KSR1: variants seen among roughly 807,000 people sequenced by gnomAD.
The protein encoded by KSR1 is kinase suppressor of ras 1, also known as kinase suppressor of ras.
In KSR1, 35 loss-of-function variants were observed where a neutral mutation model predicts 92.9. The ratio of observed to expected loss-of-function variants is 0.38; its 90% CI spans 0.29 to 0.50. The LOEUF is 0.50. Among genes scored for constraint, KSR1 ranks in the 20% least tolerant of loss-of-function variants. The pLI, the probability that KSR1 is intolerant of heterozygous loss-of-function variation, is 0.94. For missense variants in KSR1, 972 were observed against 1,158.5 expected, an observed-to-expected ratio of 0.84 and a Z score of 2.34; for synonymous variants, 467 against 472.6, an observed-to-expected ratio of 0.99 and a Z score of 0.15.
At chr17:27,528,761 T>C (rs1027112502) in intron 1 of KSR1, among the ~76,000 whole-genome samples, 2 of 152,078 alleles carry the variant, frequency 1.3e-5, no homozygotes, top group Non-Finnish European at 2.9e-5. Context: ...AAAAGTTAGC[T>C]GGGTATAGTG....
At position 27,577,015 on chromosome 17, in the gene KSR1, A is replaced by C. The variant is rs4580240; in HGVS notation, c.373-477A>C. Among the ~76,000 whole-genome samples, 21,233 of 151,426 alleles carry C rather than the reference A, an allele frequency of 0.14. 1,665 individuals are homozygous for C. The highest frequency in any genetic ancestry group is 0.24 in the South Asian group (1,141 of 4,796). On this transcript the variant is annotated intron_variant, in intron 2 of 20. Transcript: ENST00000644974. The surrounding 1 kb of genome is among the most constrained non-coding windows in gnomAD (Gnocchi z 4.5). The stretch of plus-strand genomic sequence containing the variant: ...TTTGATAGAAATCAGGTGAGGCAGT[A>C]AGTGCCTCTGCAGTGTTTGGTGAGG...
intron 20 of KSR1, chr17:27,623,071 G>C (rs2074269001): frequency 5.2e-6 from 3 of 581,644 alleles, no homozygotes; most frequent in Admixed American, 6.4e-5. Flanking sequence ...AGCATGCTGG[G>C]AGCTTGGGAC....
chr17:27,500,635 C>T (rs2069144146), intron 1 of KSR1, among the ~76,000 whole-genome samples: 1 of 152,158 alleles, frequency 6.6e-6, no homozygotes, highest in African/African-American at 2.4e-5. Flanking sequence ...TTTTAAAGTT[C>T]TAAAAGTAGC....
chr17:27,611,706 AC>A (rs1320252873), intron 18 of KSR1, 77 bp downstream of exon 18: 1 of 1,573,380 alleles, frequency 6.4e-7, no homozygotes, highest in Non-Finnish European at 8.7e-7. Flanking sequence ...CCCTTCACTC[AC>A]CCACCTGAGA....
At chr17:27,550,448 C>A in intron 1 of KSR1, 120 bp from the exon 2 acceptor site, 1 of 692,284 alleles carries the variant, frequency 1.4e-6, no homozygotes. Flanking sequence ...GAGAGGAGAG[C>A]CAGCCCCTTC....
chr17:27,557,260 A>G (rs1053151618), intron 2 of KSR1, among the ~76,000 whole-genome samples: 1 of 152,220 alleles, frequency 6.6e-6, no homozygotes, highest in African/African-American at 2.4e-5. Flanking sequence ...CAGACTGCAG[A>G]GATTGGCACC....
intron 1 of KSR1, among the ~76,000 whole-genome samples, chr17:27,522,929 A>G (rs1305834339): frequency 1.3e-5 from 2 of 152,178 alleles, no homozygotes; most frequent in Non-Finnish European, 2.9e-5. Context: ...TCAGGGTACT[A>G]AGAAAGAAAA....
intron 1 of KSR1, among the ~76,000 whole-genome samples, chr17:27,519,897 G>T (rs1041290437): frequency 6.6e-6 from 1 of 152,146 alleles, no homozygotes; most frequent in Non-Finnish European, 1.5e-5. Context: ...AGCTGGGAGT[G>T]GGGATAGTAA....
At chr17:27,593,612 C>T (rs1222528493) in intron 9 of KSR1, among the ~76,000 whole-genome samples, 1 of 152,184 alleles carries the variant, frequency 6.6e-6, no homozygotes, top group African/African-American at 2.4e-5. Flanking sequence ...ACAAGAAGGC[C>T]GGCTGCCCCA....
chr17:27,535,960 G>T (rs774452164), intron 1 of KSR1, among the ~76,000 whole-genome samples: 4 of 152,252 alleles, frequency 2.6e-5, no homozygotes, highest in Non-Finnish European at 4.4e-5. Context: ...AGAGGGCCCT[G>T]TGGGGTCTGG....
Position 27,597,350 on chromosome 17 carries a change from C to A in KSR1, c.1382C>A (p.Pro461His), listed in dbSNP as rs1652817662. The A allele has an allele frequency of 6.2e-7, 1 of 1,613,610 alleles. No homozygotes were observed. Among genetic ancestry groups the A allele is most frequent in the Admixed American group, 1.7e-5 (1 of 59,960 alleles). The change falls in exon 10 of 21, where the codon CCC becomes CAC. Residue 461 changes from proline to histidine, a missense_variant. Coordinates refer to ENST00000644974, the MANE Select transcript of KSR1 (RefSeq NM_001394583.1). ...TCCTCCACACCCTCCTCACCGGCGC[C>A]CTTCCCGACATCATCCAACCCATCC... is the stretch of plus-strand genomic sequence containing the variant. Reference protein sequence around the residue: ...TTSSTPSSPAPFPTSSNPSSA... With the variant: ...TTSSTPSSPAHFPTSSNPSSA...
intron 2 of KSR1, among the ~76,000 whole-genome samples, chr17:27,570,526 C>T (rs984037276): frequency 3.3e-5 from 5 of 152,232 alleles, no homozygotes; most frequent in African/African-American, 7.2e-5. Flanking sequence ...TCTTTCTAAA[C>T]AAGCTTTCAA....
intron 2 of KSR1, among the ~76,000 whole-genome samples, chr17:27,553,409 A>T (rs182457396): frequency 3.5e-4 from 53 of 152,292 alleles, no homozygotes; most frequent in African/African-American, 1.3e-3. Context: ...AGATAGCGGG[A>T]GTCAGCCCAG....
At chr17:27,513,872 G>T (rs924954107) in intron 1 of KSR1, among the ~76,000 whole-genome samples, 1 of 152,140 alleles carries the variant, frequency 6.6e-6, no homozygotes, top group African/African-American at 2.4e-5. Flanking sequence ...GGACCTGAAC[G>T]CTCAACCCCT....
chr17:27,587,852 G>A (rs1207332360), intron 5 of KSR1, among the ~76,000 whole-genome samples: 5 of 152,214 alleles, frequency 3.3e-5, no homozygotes, highest in Admixed American at 1.3e-4. Flanking sequence ...GAGAAGGAGG[G>A]TGCCCAAGAA....
At chr17:27,475,427 T>G (rs2068311179) in intron 1 of KSR1, among the ~76,000 whole-genome samples, 1 of 152,224 alleles carries the variant, frequency 6.6e-6, no homozygotes, top group African/African-American at 2.4e-5. Context: ...ACCTACTGAC[T>G]TACAGAAAGT....
At chr17:27,599,691 C>T (rs1287599157) in intron 10 of KSR1, among the ~76,000 whole-genome samples, 2 of 151,994 alleles carry the variant, frequency 1.3e-5, no homozygotes, top group Non-Finnish European at 2.9e-5. Context: ...AAAATATTCT[C>T]CTCAATAATA....
At chr17:27,582,173 G>A (rs1026829617) in intron 3 of KSR1, among the ~76,000 whole-genome samples, 3 of 152,152 alleles carry the variant, frequency 2.0e-5, no homozygotes, top group African/African-American at 7.2e-5. Context: ...TCTCTGGGCT[G>A]TGCTTCCTCC....
chr17:27,601,795 A>T (rs892301607), intron 11 of KSR1: 1 of 837,496 alleles, frequency 1.2e-6, no homozygotes, highest in African/African-American at 1.7e-5. Flanking sequence ...TGATGGGAGG[A>T]TATCTTATGC....
Sources: allele counts gnomAD v4.1 joint callset (sites outside exome capture counted in the v4.1 genomes callset), GRCh38; gene constraint gnomAD v4.1.1; non-coding constraint Gnocchi (gnomAD v3.1); transcripts MANE v1.5; gene names NCBI Gene and HGNC (gene_info 2026-07-23, HGNC 2026-07-21).